DNAH6: variants seen among roughly 807,000 people sequenced by gnomAD.
DNAH6 encodes the protein dynein axonemal heavy chain 6, also known as axonemal beta dynein heavy chain 6.
A neutral mutation model predicts 491.4 loss-of-function variants in DNAH6; 340 were observed. That is an observed-to-expected ratio of 0.69 (90% CI 0.63 to 0.76). The LOEUF (loss-of-function observed/expected upper bound fraction) is 0.76, where lower values mean the gene tolerates loss of function less well. Ranked by LOEUF, DNAH6 falls within the 30% of genes least tolerant of loss-of-function variation. The pLI, the probability that DNAH6 is intolerant of heterozygous loss-of-function variation, is 0.00. For missense variants in DNAH6, 4,443 were observed against 4,972.2 expected (o/e 0.89, Z 3.20); for synonymous variants, 1,603 against 1,686.1 (o/e 0.95, Z 1.21).
chr2:84,584,623 C>T (rs1159707227), intron 15 of DNAH6: 13 of 166,602 alleles, frequency 7.8e-5, no homozygotes, highest in Non-Finnish European at 1.6e-4. Flanking sequence ...TATCACAAAG[C>T]ATATATGTAA....
intron 4 of DNAH6, among the ~76,000 whole-genome samples, chr2:84,540,456 C>T (rs555579532): frequency 6.6e-6 from 1 of 152,264 alleles, no homozygotes; most frequent in Non-Finnish European, 1.5e-5. Context: ...GAAGCATTTT[C>T]AATCACTGCA....
At chr2:84,539,077 C>T (rs1018044299) in intron 4 of DNAH6, among the ~76,000 whole-genome samples, 4 of 152,080 alleles carry the variant, frequency 2.6e-5, no homozygotes, top group African/African-American at 9.7e-5. Flanking sequence ...AACACAGTGG[C>T]AGTTTTCTTA....
chr2:84,640,962 CTTG>C (rs1689334707), intron 32 of DNAH6, among the ~76,000 whole-genome samples: 1 of 152,186 alleles, frequency 6.6e-6, no homozygotes, highest in African/African-American at 2.4e-5. Flanking sequence ...GCCAGTCATA[CTTG>C]TTGCCTGAGA....
intron 2 of DNAH6, among the ~76,000 whole-genome samples, chr2:84,524,548 A>ATAC (rs1676437915): frequency 1.3e-5 from 2 of 151,804 alleles, no homozygotes; most frequent in African/African-American, 2.4e-5. Flanking sequence ...TATATACTTA[A>ATAC]GTGTGTTTTT....
intron 56 of DNAH6, among the ~76,000 whole-genome samples, chr2:84,712,270 T>C (rs1054433307): frequency 6.6e-6 from 1 of 152,268 alleles, no homozygotes; most frequent in African/African-American, 2.4e-5. Flanking sequence ...TTTTATCTCA[T>C]AAACTTTTGT....
intron 12 of DNAH6, 101 bp downstream of exon 12, chr2:84,573,688 G>T: frequency 9.7e-7 from 1 of 1,031,920 alleles, no homozygotes; most frequent in South Asian, 2.3e-5. Flanking sequence ...ACAAATGGTA[G>T]CCCAAAAGAG....
chr2:84,558,052 C>T, intron 11 of DNAH6, 117 bp downstream of exon 11: 2 of 585,048 alleles, frequency 3.4e-6, no homozygotes, highest in Non-Finnish European at 5.6e-6. Flanking sequence ...TGGCATATGC[C>T]TAAATCTCTA....
At chr2:84,619,402 A>C (rs1027194830) in intron 23 of DNAH6, among the ~76,000 whole-genome samples, 13 of 152,220 alleles carry the variant, frequency 8.5e-5, no homozygotes, top group African/African-American at 2.4e-4. Flanking sequence ...ATGTGAACAC[A>C]TCAGTTTCTA....
At position 84,819,075 on chromosome 2, in the gene DNAH6, G is replaced by A. The variant is rs867044771; in HGVS notation, c.12374-230G>A. Among the ~76,000 whole-genome samples the A allele has an allele frequency of 4.0e-3, 588 of 145,948 alleles. 1 individual carries two copies. Among genetic ancestry groups the A allele is most frequent in the African/African-American group, 0.014 (534 of 37,916 alleles). ...GGGTGATAGAGTGAGACCCTGTCTC[G>A]AAAAAAAAAATTCTATGAAGTCTAA... On this transcript the variant is annotated intron_variant, in intron 76 of 76. Transcript: ENST00000389394.
intron 65 of DNAH6, among the ~76,000 whole-genome samples, chr2:84,781,889 T>C (rs1676734842): frequency 6.6e-6 from 1 of 152,200 alleles, no homozygotes; most frequent in African/African-American, 2.4e-5. Flanking sequence ...TCTTATTGCC[T>C]TCTATGAGAG....
chr2:84,773,774 G>A (rs947242828), intron 64 of DNAH6, among the ~76,000 whole-genome samples: 2 of 152,068 alleles, frequency 1.3e-5, no homozygotes, highest in Non-Finnish European at 2.9e-5. Context: ...TTTAATAATA[G>A]CCATTCTGAC....
In DNAH6 at chr2:84,727,758, T is replaced by A. The variant is rs1261766519; in HGVS notation, c.10062T>A (p.Ala3354=). 5 of 1,551,386 alleles carry A rather than the reference T, an allele frequency of 3.2e-6. No homozygotes were observed. The highest frequency in any genetic ancestry group is 4.4e-6 in the Non-Finnish European group (5 of 1,146,772). Residue 3354 remains alanine (A), a synonymous_variant, in exon 61 of 77, where the codon GCT becomes GCA. Coordinates refer to ENST00000389394, the MANE Select transcript of DNAH6 (RefSeq NM_001370.2). ...DVLLEQTLLT[A]YVNVSRGLFE... ...TACTAGAACAAACTCTCCTAACTGC[T>A]TATGTCAATGTTTCAAGAGGACTTT...
At chr2:84,560,148 A>T (rs1172298033) in intron 11 of DNAH6, among the ~76,000 whole-genome samples, 1 of 152,132 alleles carries the variant, frequency 6.6e-6, no homozygotes, top group Non-Finnish European at 1.5e-5. Flanking sequence ...AGGAAAAGAA[A>T]ATTTGAATCT....
chr2:84,818,484 CAAAAAAAAAAA>C (rs59242387), intron 76 of DNAH6, among the ~76,000 whole-genome samples: 214 of 63,860 alleles, frequency 3.4e-3, no homozygotes, highest in Admixed American at 5.5e-3. Context: ...GACCCTATCT[CAAAAAAAAAAA>C]AAAAAAAAAA....
chr2:84,694,357 A>G lies in DNAH6; in HGVS notation c.7401A>G (p.Lys2467=), dbSNP rs1387656883. 6.4e-7 allele frequency: 1 copy of G among 1,552,284 alleles called. No individual in the cohort carries two copies. Among genetic ancestry groups the G allele is most frequent in the Admixed American group, 2.0e-5 (1 of 50,996 alleles). ...TTGCAGCTCATATATGCGGTTACAA[A>G]TGTTTGCAGATTGAACTCAGCCGGG... is the stretch of plus-strand genomic sequence containing the variant. ...TRLAAHICGY[K]CLQIELSRGY... Residue 2467 remains lysine, a synonymous_variant, in exon 46 of 77, where the codon AAA becomes AAG. Coordinates refer to ENST00000389394, the MANE Select transcript of DNAH6 (RefSeq NM_001370.2).
chr2:84,537,260 T>C (rs1677783076), intron 4 of DNAH6, among the ~76,000 whole-genome samples: 1 of 152,022 alleles, frequency 6.6e-6, no homozygotes, highest in African/African-American at 2.4e-5. Flanking sequence ...AACTAAGAAA[T>C]AATTATAAAT....
At chr2:84,717,984 A>C (rs17025508) in intron 58 of DNAH6, among the ~76,000 whole-genome samples, 5,243 of 152,292 alleles carry the variant, frequency 0.034, 300 homozygotes, top group African/African-American at 0.12. Context: ...GCATCTCTAA[A>C]ATACAAGATA....
rs138248866 is a variant in DNAH6 at position 84,755,163 on chromosome 2, C to T, written c.10513-7592C>T. Among the ~76,000 whole-genome samples, 191 of 152,300 alleles carry T rather than the reference C, an allele frequency of 1.3e-3. No homozygotes were observed. The East Asian group carries it at 0.029, about 23-fold the overall frequency. On this transcript the variant is annotated intron_variant, in intron 63 of 76. Coordinates refer to ENST00000389394, the MANE Select transcript of DNAH6 (RefSeq NM_001370.2). ...TTAAGCAGTGATTAGATCATGAGGACTCTGAGCTCATGAATGGGTTAATGT... is the reference window on the plus strand; with the variant it reads ...TTAAGCAGTGATTAGATCATGAGGATTCTGAGCTCATGAATGGGTTAATGT...
chr2:84,577,628 A>G (rs1682591404), intron 13 of DNAH6, among the ~76,000 whole-genome samples: 1 of 152,144 alleles, frequency 6.6e-6, no homozygotes, highest in Non-Finnish European at 1.5e-5. Flanking sequence ...CAGGCCTCAC[A>G]CTGGCCTCTT....
Sources: allele counts gnomAD v4.1 joint callset (sites outside exome capture counted in the v4.1 genomes callset), GRCh38; gene constraint gnomAD v4.1.1; transcripts MANE v1.5; gene names NCBI Gene and HGNC (gene_info 2026-07-23, HGNC 2026-07-21).